EPHA5: variants seen among roughly 807,000 people sequenced by gnomAD.
EPHA5 encodes EPH receptor A5, also known as ephrin type-A receptor 5.
In EPHA5, 60 loss-of-function variants were observed where a neutral mutation model predicts 105.0. That is an observed-to-expected ratio of 0.57 (90% CI 0.46 to 0.71). The LOEUF is 0.71. EPHA5 is among the 30% of genes least tolerant of loss of function. The pLI is 0.00. For missense variants in EPHA5, 1,218 were observed against 1,274.7 expected, an observed-to-expected ratio of 0.96 and a Z score of 0.68; for synonymous variants, 513 against 449.1, an observed-to-expected ratio of 1.14 and a Z score of -1.80.
At chr4:65,377,921 A>G (rs1719170359) in intron 8 of EPHA5, among the ~76,000 whole-genome samples, 1 of 152,074 alleles carries the variant, frequency 6.6e-6, no homozygotes, top group South Asian at 2.1e-4. Flanking sequence ...TCTCAACAGA[A>G]CTATAATGTG....
At chr4:65,624,163 T>A (rs1288623444) in intron 2 of EPHA5, among the ~76,000 whole-genome samples, 1 of 152,132 alleles carries the variant, frequency 6.6e-6, no homozygotes, top group African/African-American at 2.4e-5. Context: ...TACTTATTTA[T>A]ATTTAGAGAT....
chr4:65,517,533 T>C (rs1327319601), intron 3 of EPHA5, among the ~76,000 whole-genome samples: 1 of 151,912 alleles, frequency 6.6e-6, no homozygotes, highest in East Asian at 1.9e-4. Context: ...TAATTATTGA[T>C]ATAGTTGGAT....
chr4:65,592,221 C>G (rs1174796447), intron 3 of EPHA5, among the ~76,000 whole-genome samples: 1 of 151,978 alleles, frequency 6.6e-6, no homozygotes, highest in Non-Finnish European at 1.5e-5. Context: ...TTTGTTTTAA[C>G]ACAAATTCCA....
intron 1 of EPHA5, among the ~76,000 whole-genome samples, chr4:65,649,150 G>C (rs942466340): frequency 6.6e-6 from 1 of 152,180 alleles, no homozygotes; most frequent in African/African-American, 2.4e-5. Flanking sequence ...TGAATATGGG[G>C]AAATAACTTG....
At chr4:65,519,525 C>T in intron 3 of EPHA5, among the ~76,000 whole-genome samples, 1 of 151,920 alleles carries the variant, frequency 6.6e-6, no homozygotes, top group Non-Finnish European at 1.5e-5. Flanking sequence ...AAGTTCTGGC[C>T]AGGGCAATTA....
intron 14 of EPHA5, among the ~76,000 whole-genome samples, chr4:65,341,663 G>T (rs957035128): frequency 6.6e-6 from 1 of 151,710 alleles, no homozygotes; most frequent in Non-Finnish European, 1.5e-5. Flanking sequence ...TATTTTGGAA[G>T]ATAGTGCATT....
intron 3 of EPHA5, among the ~76,000 whole-genome samples, chr4:65,544,887 T>A (rs1263595872): frequency 1.3e-5 from 2 of 151,310 alleles, no homozygotes; most frequent in African/African-American, 2.4e-5. Flanking sequence ...TGGAATACTA[T>A]GCAGTCACAA....
Position 65,651,166 on chromosome 4 carries a change from G to C in EPHA5, c.182-7739C>G, listed in dbSNP as rs191042838. On this transcript the variant is annotated intron_variant, in intron 1 of 16. Coordinates refer to ENST00000613740, the MANE Select transcript of EPHA5 (RefSeq NM_001281766.3). ...TTCCTGGAACTGATACAGTCATCGA[G>C]AGAAAATAAGTAGAATCAGCAGGGG... Among the ~76,000 whole-genome samples, 383 of 152,300 alleles carry C rather than the reference G, an allele frequency of 2.5e-3. 3 individuals carry two copies. The highest frequency in any genetic ancestry group is 3.6e-3 in the Non-Finnish European group (248 of 68,022).
At chr4:65,447,498 A>G (rs1726664547) in intron 5 of EPHA5, among the ~76,000 whole-genome samples, 1 of 150,390 alleles carries the variant, frequency 6.6e-6, no homozygotes, top group Non-Finnish European at 1.5e-5. Context: ...TTTATATAAT[A>G]TATATATTTT....
chr4:65,490,152 A>ATGTTT (rs999202257), intron 5 of EPHA5, among the ~76,000 whole-genome samples: 2 of 152,226 alleles, frequency 1.3e-5, no homozygotes, highest in South Asian at 2.1e-4. Flanking sequence ...CAATTAAAAA[A>ATGTTT]TGTTTTGTTT....
At chr4:65,472,885 T>C (rs1029482912) in intron 5 of EPHA5, among the ~76,000 whole-genome samples, 2 of 152,240 alleles carry the variant, frequency 1.3e-5, no homozygotes, top group African/African-American at 4.8e-5. Context: ...CTATGCAAAT[T>C]TATGCAGCCG....
chr4:65,596,286 T>C (rs1323499278), intron 3 of EPHA5, among the ~76,000 whole-genome samples: 2 of 152,178 alleles, frequency 1.3e-5, no homozygotes, highest in Non-Finnish European at 2.9e-5. Context: ...AGGCAATATC[T>C]AGACACATTT....
intron 8 of EPHA5, among the ~76,000 whole-genome samples, chr4:65,395,442 G>T (rs774441743): frequency 6.6e-6 from 1 of 152,112 alleles, no homozygotes; most frequent in Non-Finnish European, 1.5e-5. Context: ...CTTACTTCAA[G>T]GGACTTAAAA....
intron 5 of EPHA5, among the ~76,000 whole-genome samples, chr4:65,441,908 T>C (rs1726051597): frequency 6.6e-6 from 1 of 152,294 alleles, no homozygotes; most frequent in East Asian, 1.9e-4. Flanking sequence ...CTATAATCTT[T>C]TTATTCTAAC....
At chr4:65,586,703 C>A (rs1296256807) in intron 3 of EPHA5, among the ~76,000 whole-genome samples, 1 of 151,820 alleles carries the variant, frequency 6.6e-6, no homozygotes, top group Non-Finnish European at 1.5e-5. Flanking sequence ...GTATTTGAAG[C>A]TAACTACTAA....
At chr4:65,395,362 G>A (rs1254366445) in intron 8 of EPHA5, among the ~76,000 whole-genome samples, 1 of 152,176 alleles carries the variant, frequency 6.6e-6, no homozygotes, top group East Asian at 1.9e-4. Flanking sequence ...ACTTACCTTT[G>A]TGTTTATGTG....
At chr4:65,617,214 A>T (rs904154476) in intron 2 of EPHA5, among the ~76,000 whole-genome samples, 4 of 151,688 alleles carry the variant, frequency 2.6e-5, no homozygotes, top group Non-Finnish European at 4.4e-5. Flanking sequence ...AATCCTGTTT[A>T]CTCCTCTTAC....
intron 1 of EPHA5, among the ~76,000 whole-genome samples, chr4:65,654,958 C>A (rs942679638): frequency 6.7e-6 from 1 of 148,588 alleles, no homozygotes. Context: ...TATATCAAAG[C>A]ATATACCTTG....
chr4:65,333,467 C>A (rs756518345), intron 15 of EPHA5, among the ~76,000 whole-genome samples: 1 of 151,440 alleles, frequency 6.6e-6, no homozygotes, highest in Non-Finnish European at 1.5e-5. Flanking sequence ...TCCCACCTTA[C>A]TCTTGAAATC....
Sources: allele counts gnomAD v4.1 joint callset (sites outside exome capture counted in the v4.1 genomes callset), GRCh38; gene constraint gnomAD v4.1.1; transcripts MANE v1.5; gene names NCBI Gene and HGNC (gene_info 2026-07-23, HGNC 2026-07-21).